CRTAC1: variants seen among roughly 807,000 people sequenced by gnomAD.
CRTAC1 encodes cartilage acidic protein 1, also known as acidic secreted protein in cartilage.
CRTAC1 carries 37 observed loss-of-function variants against 67.8 expected under a neutral mutation model. The observed-to-expected ratio is 0.55, with a 90% CI of 0.42 to 0.72. The LOEUF (loss-of-function observed/expected upper bound fraction) is 0.72, where lower values mean the gene tolerates loss of function less well. Ranked by LOEUF, CRTAC1 falls within the 30% of genes least tolerant of loss-of-function variation. The pLI is 0.00. For synonymous variants in CRTAC1, 348 were observed against 371.0 expected (o/e 0.94, Z 0.71); for missense variants, 780 against 931.6 (o/e 0.84, Z 2.12).
At chr10:97,903,005 T>C (rs2050562858) in intron 7 of CRTAC1, among the ~76,000 whole-genome samples, 1 of 151,806 alleles carries the variant, frequency 6.6e-6, no homozygotes, top group East Asian at 1.9e-4. Context: ...ATAGCCCCCT[T>C]GGGGTTGCCC....
At position 97,874,852 on chromosome 10, in the gene CRTAC1, G is replaced by C. The variant is rs186216886; in HGVS notation, c.1819+5397C>G. Among the ~76,000 whole-genome samples the C allele has an allele frequency of 3.9e-5, 6 of 152,082 alleles. No homozygotes were observed. In the East Asian group the frequency reaches 1.2e-3, roughly 29 times the overall value. The stretch of plus-strand genomic sequence containing the variant: ...TTAAAATGGCATTCCACCTCCATCC[G>C]GGCCTTCCCGGATGGCCTTGATGTT... On this transcript the variant is annotated intron_variant, in intron 14 of 14. Transcript: ENST00000370597.
intron 1 of CRTAC1, among the ~76,000 whole-genome samples, chr10:98,020,063 C>T (rs1843085253): frequency 6.6e-6 from 1 of 152,194 alleles, no homozygotes; most frequent in South Asian, 2.1e-4. Flanking sequence ...CTCAGTTTTT[C>T]CACCTTTCCT....
intron 2 of CRTAC1, among the ~76,000 whole-genome samples, chr10:97,965,176 G>C (rs574440173): frequency 6.6e-6 from 1 of 152,174 alleles, no homozygotes; most frequent in Non-Finnish European, 1.5e-5. Flanking sequence ...CTCGTGGAAG[G>C]TCCTCTTCTT....
At chr10:97,940,964 G>A (rs2051164980) in intron 2 of CRTAC1, among the ~76,000 whole-genome samples, 2 of 152,136 alleles carry the variant, frequency 1.3e-5, no homozygotes, top group African/African-American at 4.8e-5. Flanking sequence ...CCCGCCCTCG[G>A]TAGCTCATCC....
At chr10:97,905,554 T>C (rs1334661892) in intron 6 of CRTAC1, among the ~76,000 whole-genome samples, 2 of 152,226 alleles carry the variant, frequency 1.3e-5, no homozygotes, top group African/African-American at 4.8e-5. Flanking sequence ...TTACGTTCCT[T>C]TGTGGTTGAC....
chr10:97,881,516 C>G (rs993782022), intron 13 of CRTAC1, among the ~76,000 whole-genome samples: 2 of 152,224 alleles, frequency 1.3e-5, no homozygotes, highest in Non-Finnish European at 2.9e-5. Flanking sequence ...GGATGCCCCT[C>G]TTGTGGAGGC....
rs1039171131 is a variant in CRTAC1, at chr10:98,029,804, C to T, written c.24+645G>A. On this transcript the variant is annotated intron_variant, in intron 1 of 14. Transcript: ENST00000370597. This position sits in a 1 kb window ranked among gnomAD's most constrained non-coding sequence, Gnocchi z 4.7. ...GGGTCGAGGAGGACTCAGGGTTCCC[C>T]TGGAATGCCTGAAGCCGGCTTGCCT... Among the ~76,000 whole-genome samples the T allele has an allele frequency of 2.6e-5, 4 of 152,188 alleles. No individual in the cohort carries two copies. Among genetic ancestry groups the T allele is most frequent in the South Asian group, 2.1e-4 (1 of 4,838 alleles).
At chr10:97,960,434 A>C (rs2051507697) in intron 2 of CRTAC1, among the ~76,000 whole-genome samples, 1 of 152,236 alleles carries the variant, frequency 6.6e-6, no homozygotes, top group Non-Finnish European at 1.5e-5. Flanking sequence ...ATACATATGC[A>C]TGTGTGTATA....
Position 97,880,311 on chromosome 10 carries a change from C to T in CRTAC1, c.1757G>A (p.Cys586Tyr). Residue 586 changes from cysteine (C) to tyrosine (Y), a missense_variant, in exon 14 of 15, where the codon TGC becomes TAC. Transcript: ENST00000370597. ...VCVNTYGSYRCRTNKKCSRGY... is the reference protein window; with the variant it reads ...VCVNTYGSYRYRTNKKCSRGY... ...CCGACTGCACTTCTTGTTGGTCCGG[C>T]ACCTGTAGCTTCCATAGGTGTTGAC... The T allele has an allele frequency of 6.2e-7, 1 of 1,614,226 alleles. No individual in the cohort carries two copies.
chr10:97,933,253 C>T (rs1161463931), intron 3 of CRTAC1, among the ~76,000 whole-genome samples: 1 of 152,232 alleles, frequency 6.6e-6, no homozygotes, highest in Non-Finnish European at 1.5e-5. Flanking sequence ...GACAGACATC[C>T]CTCAAACCCA....
chr10:97,921,545 G>A (rs2050835760), intron 4 of CRTAC1, among the ~76,000 whole-genome samples: 1 of 152,190 alleles, frequency 6.6e-6, no homozygotes, highest in South Asian at 2.1e-4. Flanking sequence ...GTCTTATGAG[G>A]ATTCAGTAGG....
chr10:97,903,289 C>T (rs1378900796), intron 7 of CRTAC1, among the ~76,000 whole-genome samples: 3 of 146,774 alleles, frequency 2.0e-5, no homozygotes, highest in Admixed American at 1.4e-4. Flanking sequence ...GCCAGGAGCC[C>T]TCCCTTCCCC....
intron 2 of CRTAC1, among the ~76,000 whole-genome samples, chr10:97,986,196 A>G (rs965877701): frequency 1.3e-5 from 2 of 152,182 alleles, no homozygotes; most frequent in Non-Finnish European, 2.9e-5. Flanking sequence ...TGGGCTCCCA[A>G]ACAGACTGCC....
intron 1 of CRTAC1, among the ~76,000 whole-genome samples, chr10:98,021,540 C>T (rs2136705748): frequency 6.6e-6 from 1 of 152,286 alleles, no homozygotes; most frequent in East Asian, 1.9e-4. Context: ...GCTCAGACTT[C>T]CCGTTCTGTA....
intron 2 of CRTAC1, among the ~76,000 whole-genome samples, chr10:97,949,831 A>G (rs984153799): frequency 1.3e-5 from 2 of 152,250 alleles, no homozygotes; most frequent in Non-Finnish European, 2.9e-5. Context: ...CTTCCAGGCC[A>G]TAGGGCTGTG....
chr10:97,901,815 C>T (rs1486078626), intron 7 of CRTAC1, among the ~76,000 whole-genome samples, 176 bp from the exon 8 acceptor site: 3 of 152,206 alleles, frequency 2.0e-5, no homozygotes. Context: ...AGACCTCAGG[C>T]TGCTTGTACG....
At chr10:97,917,252 A>G (rs1258563700) in intron 5 of CRTAC1, among the ~76,000 whole-genome samples, 1 of 152,214 alleles carries the variant, frequency 6.6e-6, no homozygotes, top group African/African-American at 2.4e-5. Flanking sequence ...ACTTTCCAGC[A>G]AGCCAGATGT....
At chr10:97,934,811 A>G (rs1338254877) in intron 3 of CRTAC1, among the ~76,000 whole-genome samples, 1 of 152,080 alleles carries the variant, frequency 6.6e-6, no homozygotes, top group African/African-American at 2.4e-5. Context: ...CTAGCCCCAC[A>G]GGGACACAGG....
chr10:97,934,599 G>A (rs951664214), intron 3 of CRTAC1, among the ~76,000 whole-genome samples: 2 of 152,186 alleles, frequency 1.3e-5, no homozygotes, highest in Admixed American at 6.5e-5. Flanking sequence ...TGGTAATGTC[G>A]TGGCTCAGGG....
Sources: gnomAD v4.1 joint callset for allele counts (sites outside exome capture counted in the v4.1 genomes callset) on GRCh38, gnomAD v4.1.1 for gene constraint, Gnocchi (gnomAD v3.1) non-coding constraint, MANE v1.5 for transcripts, NCBI Gene and HGNC (gene_info 2026-07-23, HGNC 2026-07-21) for gene names.